HIVEP3: variants seen among roughly 807,000 people sequenced by gnomAD.
HIVEP3 encodes the protein transcription factor HIVEP3.
HIVEP3 carries 49 observed loss-of-function variants against 152.8 expected under a neutral mutation model. That is an observed-to-expected ratio of 0.32 (90% CI 0.26 to 0.41). The LOEUF is 0.41. Among genes scored for constraint, HIVEP3 ranks in the 10% least tolerant of loss-of-function variants. The probability of loss-of-function intolerance (pLI) is 1.00; values close to 1 mark genes in which losing one functional copy is unlikely to be tolerated. For synonymous variants in HIVEP3, 1,269 were observed against 1,289.0 expected (o/e 0.98, Z 0.33); for missense variants, 2,790 against 3,103.3 (o/e 0.90, Z 2.40).
Position 41,580,458 on chromosome 1 carries a change from T to A in HIVEP3, c.4340A>T (p.Gln1447Leu). 1 of 1,614,234 alleles carries A rather than the reference T, an allele frequency of 6.2e-7. No individual in the cohort carries two copies. The highest frequency in any genetic ancestry group is 8.5e-7 in the Non-Finnish European group (1 of 1,180,044). ...SLELTMETQQQKRVKEEEASK... is the reference protein window; with the variant it reads ...SLELTMETQQLKRVKEEEASK... ...AGCCTCCTCCTCCTTCACTCTTTTT[T>A]GCTGCTGGGTTTCCATGGTAAGTTC... is the stretch of plus-strand genomic sequence containing the variant. The change falls in exon 4 of 9, where the codon CAA (glutamine) becomes CTA (leucine). Residue 1447 changes from glutamine (Q) to leucine (L), a missense_variant. By Grantham distance (113) the Gln-to-Leu change is moderately radical. Around this residue, in one of 9 missense-constraint regions of HIVEP3, gnomAD observed 1,078 missense variants for 1,165.3 expected, o/e 0.93. Coordinates refer to ENST00000372583, the MANE Select transcript of HIVEP3 (RefSeq NM_024503.5).
chr1:41,517,227 A>G (rs1642632643), intron 7 of HIVEP3, among the ~76,000 whole-genome samples: 1 of 152,210 alleles, frequency 6.6e-6, no homozygotes, highest in Admixed American at 6.5e-5. Context: ...GTGGACTGGC[A>G]TGCAGCCAGG....
At chr1:41,923,735 T>C (rs1468376796), upstream of HIVEP3, among the ~76,000 whole-genome samples, 2 of 152,230 alleles carry the variant, frequency 1.3e-5, no homozygotes, top group African/African-American at 2.4e-5. Context: ...ACACTATGCA[T>C]ATATTGATAC....
At position 41,513,662 on chromosome 1, in the gene HIVEP3, C is replaced by G. The variant is rs781607978; in HGVS notation, c.5559G>C (p.Ser1853=). Residue 1853 remains serine, a synonymous_variant, in exon 8 of 9, where the codon TCG becomes TCC. Coordinates refer to ENST00000372583, the MANE Select transcript of HIVEP3 (RefSeq NM_024503.5). ...EEHQFSDLED[S]DSDSDLDEDE... is the part of the protein sequence containing the mutation. Reference sequence around the variant, plus strand: ...CTTCGTCCAGGTCTGAGTCTGAGTCCGAGTCCTCCAGGTCCGAAAACTGGT... The same window carrying G: ...CTTCGTCCAGGTCTGAGTCTGAGTCGGAGTCCTCCAGGTCCGAAAACTGGT... The G allele has an allele frequency of 6.2e-7, 1 of 1,613,508 alleles. No homozygotes were observed. Among genetic ancestry groups the G allele is most frequent in the East Asian group, 2.2e-5 (1 of 44,874 alleles).
At chr1:41,937,934 G>C (rs1362757587) in intron 1 of HIVEP3, among the ~76,000 whole-genome samples, 3 of 152,180 alleles carry the variant, frequency 2.0e-5, no homozygotes, top group Non-Finnish European at 4.4e-5. Context: ...TCTGCACAAA[G>C]TATTCTATAT....
At chr1:41,919,708 C>A (rs901182479), upstream of HIVEP3, among the ~76,000 whole-genome samples, 1 of 152,138 alleles carries the variant, frequency 6.6e-6, no homozygotes, top group African/African-American at 2.4e-5. Flanking sequence ...GGGGGAGAGA[C>A]AACCTCCAGC....
In HIVEP3 at chr1:41,918,292, A is replaced by G. The variant is rs888243957; in HGVS notation, c.-801+121T>C. On this transcript the variant is annotated intron_variant, in intron 1 of 8. Coordinates refer to ENST00000372583, the MANE Select transcript of HIVEP3 (RefSeq NM_024503.5). This position sits in a 1 kb window ranked among gnomAD's most constrained non-coding sequence, Gnocchi z 4.3. ...GACACCTTGCCTAAGAAAGGCATAC[A>G]CAAAATGGAATCGCAGCTCGCTATT... The G allele has an allele frequency of 6.5e-6, 1 of 153,208 alleles. No homozygotes were observed. The highest frequency in any genetic ancestry group is 6.5e-5 in the Admixed American group (1 of 15,304). 9.5% of individuals were successfully genotyped at this position (153,208 alleles called of 1,614,324 possible).
chr1:41,690,646 G>A (rs928931163), intron 2 of HIVEP3, among the ~76,000 whole-genome samples: 18 of 152,276 alleles, frequency 1.2e-4, no homozygotes, highest in African/African-American at 3.9e-4. Flanking sequence ...GGCCCGGCAC[G>A]GTGGCTTACA....
At chr1:41,634,121 T>TAAA (rs11337584) in intron 2 of HIVEP3, among the ~76,000 whole-genome samples, 5 of 142,006 alleles carry the variant, frequency 3.5e-5, no homozygotes, top group Non-Finnish European at 7.8e-5. Context: ...CATCTTTTCT[T>TAAA]AAAAAAAAAA....
At chr1:41,724,582 C>T (rs748595059) in intron 1 of HIVEP3, among the ~76,000 whole-genome samples, 5 of 152,204 alleles carry the variant, frequency 3.3e-5, no homozygotes, top group Admixed American at 2.0e-4. Context: ...CTCTTTGGGA[C>T]ATATGATGGA....
rs1005768037 is a variant in HIVEP3 at position 41,952,461 on chromosome 1, T to C, written n.120-33937A>G. Reference sequence around the variant, plus strand: ...TCATTCATTCATTCATTGTGAAGTGTGTAGTGCCTGCGAGGCCCTTCAAGT... The same window carrying C: ...TCATTCATTCATTCATTGTGAAGTGCGTAGTGCCTGCGAGGCCCTTCAAGT... On this transcript the variant is annotated intron_variant and non_coding_transcript_variant, in intron 1 of 3. Coordinates refer to the HIVEP3 transcript ENST00000489103. 4.8e-5 allele frequency among the ~76,000 whole-genome samples: 7 copies of C among 146,684 alleles called. No individual in the cohort carries two copies. In the South Asian group the frequency reaches 1.3e-3, roughly 28 times the overall value.
At chr1:41,785,952 C>T (rs1037564128) in intron 1 of HIVEP3, among the ~76,000 whole-genome samples, 5 of 152,174 alleles carry the variant, frequency 3.3e-5, no homozygotes, top group African/African-American at 7.2e-5. Context: ...GAGCCAAGAC[C>T]GTGCCATTGC....
At chr1:41,787,696 ATT>A (rs879683214) in intron 1 of HIVEP3, among the ~76,000 whole-genome samples, 1,492 of 135,534 alleles carry the variant, frequency 0.011, 21 homozygotes, top group African/African-American at 0.037. Context: ...AATTAAAAAA[ATT>A]TTTTTTTTTT....
At chr1:41,539,557 C>A (rs1209659847) in intron 5 of HIVEP3, among the ~76,000 whole-genome samples, 1 of 152,176 alleles carries the variant, frequency 6.6e-6, no homozygotes, top group African/African-American at 2.4e-5. Flanking sequence ...AGCCTCACTC[C>A]CTTATGTCCC....
chr1:41,793,368 C>A (rs1434092411), intron 1 of HIVEP3, among the ~76,000 whole-genome samples: 2 of 152,200 alleles, frequency 1.3e-5, no homozygotes, highest in Non-Finnish European at 2.9e-5. Context: ...ATCTGGTTTA[C>A]CTCACTCTTC....
At chr1:41,674,786 T>C (rs1645930179) in intron 2 of HIVEP3, among the ~76,000 whole-genome samples, 1 of 152,150 alleles carries the variant, frequency 6.6e-6, no homozygotes, top group Non-Finnish European at 1.5e-5. Context: ...GTCAATTACG[T>C]TGGGAAAACA....
intron 1 of HIVEP3, among the ~76,000 whole-genome samples, chr1:41,749,989 T>C (rs916167252): frequency 6.6e-6 from 1 of 152,242 alleles, no homozygotes; most frequent in African/African-American, 2.4e-5. Context: ...TTGGAACCTT[T>C]CTGGCTTGTG....
rs150760468 is a variant in HIVEP3 at position 41,533,266 on chromosome 1, C to T, written c.5208-8356G>A. Among the ~76,000 whole-genome samples the T allele has an allele frequency of 4.5e-3, 685 of 152,242 alleles. 2 individuals are homozygous for T. Among genetic ancestry groups the T allele is most frequent in the Admixed American group, 9.9e-3 (151 of 15,298 alleles). On this transcript the variant is annotated intron_variant, in intron 5 of 8. Transcript: ENST00000372583. This position sits in a 1 kb window ranked among gnomAD's most constrained non-coding sequence, Gnocchi z 4.3. ...CTCCCCAAGCCTGAGGTAGACCTGC[C>T]GGGCTCTGGGTCCAGCTCCTCCTGC... is the stretch of plus-strand genomic sequence containing the variant.
At chr1:41,738,237 T>C (rs1038758334) in intron 1 of HIVEP3, among the ~76,000 whole-genome samples, 1 of 151,836 alleles carries the variant, frequency 6.6e-6, no homozygotes, top group African/African-American at 2.4e-5. Context: ...AGCAGCTGGG[T>C]CTCACAAACT....
intron 2 of HIVEP3, among the ~76,000 whole-genome samples, chr1:41,697,065 G>A (rs1248854833): frequency 2.6e-5 from 4 of 152,184 alleles, no homozygotes; most frequent in African/African-American, 4.8e-5. Flanking sequence ...CAGAAGAGAC[G>A]GAGGCCCCAG....
Sources: gnomAD v4.1 joint callset for allele counts (sites outside exome capture counted in the v4.1 genomes callset) on GRCh38, gnomAD v4.1.1 for gene constraint, gnomAD v4.1.1 regional missense constraint, Gnocchi (gnomAD v3.1) non-coding constraint, MANE v1.5 for transcripts, NCBI Gene and HGNC (gene_info 2026-07-23, HGNC 2026-07-21) for gene names.